Variants in PTPRE observed in about 807,000 individuals in gnomAD.
PTPRE encodes the protein protein tyrosine phosphatase receptor type E.
PTPRE carries 51 observed loss-of-function variants against 102.0 expected under a neutral mutation model. The ratio of observed to expected loss-of-function variants is 0.50; its 90% CI spans 0.40 to 0.63. The LOEUF is 0.63. Among genes scored for constraint, PTPRE ranks in the 30% least tolerant of loss-of-function variants. PTPRE has a pLI of 0.00. For missense variants in PTPRE, 752 were observed against 915.1 expected (o/e 0.82, Z 2.30); for synonymous variants, 345 against 348.2 (o/e 0.99, Z 0.10).
chr10:127,921,630 C>T (rs962506173), intron 1 of PTPRE, among the ~76,000 whole-genome samples: 1 of 152,222 alleles, frequency 6.6e-6, no homozygotes, highest in Non-Finnish European at 1.5e-5. Context: ...GAGAGGCTCA[C>T]TGAGCTGTTG....
intron 1 of PTPRE, among the ~76,000 whole-genome samples, 159 bp from the exon 2 acceptor site, chr10:127,982,115 A>G (rs1309660066): frequency 6.6e-6 from 1 of 152,196 alleles, no homozygotes; most frequent in Admixed American, 6.5e-5. Flanking sequence ...ATTGCAGCCA[A>G]AAGAAGTATC....
intron 1 of PTPRE, among the ~76,000 whole-genome samples, chr10:127,969,316 C>T (rs753995685): frequency 6.6e-5 from 10 of 152,110 alleles, no homozygotes; most frequent in Admixed American, 2.6e-4. Flanking sequence ...GGGCTCGGGA[C>T]GTGGAGAGGG....
chr10:127,954,131 C>T (rs1849232700), intron 1 of PTPRE, among the ~76,000 whole-genome samples: 6 of 152,162 alleles, frequency 3.9e-5, no homozygotes, highest in Admixed American at 1.3e-4. Context: ...GAATATTTGT[C>T]AGCCTCTTTC....
intron 2 of PTPRE, among the ~76,000 whole-genome samples, chr10:128,020,689 G>A (rs1845800822): frequency 6.6e-6 from 1 of 152,174 alleles, no homozygotes; most frequent in African/African-American, 2.4e-5. Flanking sequence ...TGCCCTCCTG[G>A]TGTCCCAGTG....
chr10:128,081,147 G>A (rs1227148043), intron 20 of PTPRE, among the ~76,000 whole-genome samples: 1 of 102,820 alleles, frequency 9.7e-6, no homozygotes, highest in Non-Finnish European at 2.0e-5. Flanking sequence ...GGGAGATTTT[G>A]GCAAAAAAAA....
chr10:128,082,547 A>C (rs1004854404), intron 20 of PTPRE, among the ~76,000 whole-genome samples: 4 of 151,900 alleles, frequency 2.6e-5, no homozygotes, highest in African/African-American at 9.7e-5. Context: ...AAATTCAAAA[A>C]TAGTTGTTTT....
At chr10:128,061,048 C>T (rs1321136311) in intron 8 of PTPRE, 33 bp downstream of exon 8, 1 of 1,591,654 alleles carries the variant, frequency 6.3e-7, no homozygotes, top group Non-Finnish European at 8.6e-7. Flanking sequence ...TTCCCCTGGC[C>T]CAGCTGGGGC....
chr10:127,984,345 C>T lies in PTPRE; in HGVS notation c.-8+2049C>T, dbSNP rs143189897. 5.3e-3 allele frequency among the ~76,000 whole-genome samples: 811 copies of T among 152,108 alleles called. 35 individuals carry two copies. The highest frequency in any genetic ancestry group is 7.9e-4 in the Non-Finnish European group (54 of 67,996). ...ATCTGCCCACCTCAGCCTCCCACAGCGCTGGGATTACAAGCATGAGCCACC... is the reference window on the plus strand; with the variant it reads ...ATCTGCCCACCTCAGCCTCCCACAGTGCTGGGATTACAAGCATGAGCCACC... On this transcript the variant is annotated intron_variant, in intron 2 of 20. Transcript: ENST00000254667.
intron 1 of PTPRE, chr10:127,929,726 T>A (rs1050187066): frequency 3.9e-5 from 6 of 152,166 alleles, no homozygotes; most frequent in African/African-American, 1.4e-4. Context: ...AGTAATTGGC[T>A]TCTTTTGCAA....
At position 128,073,356 on chromosome 10, in the gene PTPRE, A is replaced by G. The variant is rs757208237; in HGVS notation, c.1484A>G (p.Tyr495Cys). 3 of 1,614,058 alleles carry G rather than the reference A, an allele frequency of 1.9e-6. No individual in the cohort carries two copies. The highest frequency in any genetic ancestry group is 2.5e-6 in the Non-Finnish European group (3 of 1,180,010). ...SFIDGYRQKD[Y>C]FIATQGPLAH... is the part of the protein sequence containing the mutation. ...TTGAAGGGCTACCGACAGAAGGACT[A>G]TTTCATCGCCACCCAGGGGCCACTG... The change falls in exon 17 of 21, where the codon TAT becomes TGT. Residue 495 changes from tyrosine (Y) to cysteine (C), a missense_variant. Around this residue, in one of 2 missense-constraint regions of PTPRE, gnomAD observed 636 missense variants for 824.4 expected, o/e 0.77. Transcript: ENST00000254667.
rs12411857 is a variant in PTPRE at position 127,964,441 on chromosome 10, G to A, written c.-30-17833G>A. 0.016 allele frequency among the ~76,000 whole-genome samples: 2,407 copies of A among 152,258 alleles called. 161 individuals are homozygous for A. In the East Asian group the frequency reaches 0.18, roughly 12 times the overall value. On this transcript the variant is annotated intron_variant, in intron 1 of 20. Transcript: ENST00000254667. ...CCACCTTGGCCTCCCAAAGTGCTGG[G>A]ATTACAGGCATGAGCCACCATACCC...
At chr10:127,973,382 C>T (rs1345840472) in intron 1 of PTPRE, among the ~76,000 whole-genome samples, 4 of 152,154 alleles carry the variant, frequency 2.6e-5, no homozygotes, top group African/African-American at 9.7e-5. Context: ...ATAACAGATA[C>T]CTAGAATCTT....
chr10:128,020,556 G>T (rs1590036460), intron 2 of PTPRE, among the ~76,000 whole-genome samples: 1 of 152,224 alleles, frequency 6.6e-6, no homozygotes, highest in East Asian at 1.9e-4. Context: ...TTCTCTTCTT[G>T]GTTTATATTT....
At chr10:128,072,364 A>T (rs1378444838) in intron 16 of PTPRE, 150 bp downstream of exon 16, 5 of 729,474 alleles carry the variant, frequency 6.9e-6, no homozygotes, top group Non-Finnish European at 1.1e-5. Context: ...TGCTTAAAAA[A>T]AAAAGTGGCA....
chr10:128,028,861 G>A lies in PTPRE; in HGVS notation c.-7-12014G>A, dbSNP rs1193072293. On this transcript the variant is annotated intron_variant, in intron 2 of 20. Coordinates refer to ENST00000254667, the MANE Select transcript of PTPRE (RefSeq NM_006504.6). This position sits in a 1 kb window ranked among gnomAD's most constrained non-coding sequence, Gnocchi z 4.5. Reference sequence around the variant, plus strand: ...CGGCCCAGCCCTGGCCACCCCAGACGTCTGGCCCTCGTCCCGAATGCTGTC... The same window carrying A: ...CGGCCCAGCCCTGGCCACCCCAGACATCTGGCCCTCGTCCCGAATGCTGTC... Among the ~76,000 whole-genome samples the A allele has an allele frequency of 2.0e-5, 3 of 152,096 alleles. No individual in the cohort carries two copies. Among genetic ancestry groups the A allele is most frequent in the African/African-American group, 4.8e-5 (2 of 41,426 alleles).
At chr10:128,029,032 A>G (rs760950426) in intron 2 of PTPRE, among the ~76,000 whole-genome samples, 1 of 152,014 alleles carries the variant, frequency 6.6e-6, no homozygotes, top group Non-Finnish European at 1.5e-5. Context: ...TATTTACCTT[A>G]TGGGGGCATC....
At chr10:128,052,298 C>T (rs896609996) in intron 6 of PTPRE, among the ~76,000 whole-genome samples, 3 of 152,142 alleles carry the variant, frequency 2.0e-5, no homozygotes, top group East Asian at 1.9e-4. Context: ...TCAAAGTGGC[C>T]GATCCAGTTG....
chr10:127,922,436 A>G (rs1393406981), intron 1 of PTPRE, among the ~76,000 whole-genome samples: 2 of 152,214 alleles, frequency 1.3e-5, no homozygotes, highest in Admixed American at 6.5e-5. Context: ...CAAGGGGGCC[A>G]GGGGGCCATC....
At chr10:127,928,937 C>T (rs762136197) in intron 1 of PTPRE, among the ~76,000 whole-genome samples, 2 of 152,172 alleles carry the variant, frequency 1.3e-5, no homozygotes, top group Admixed American at 6.5e-5. Context: ...CTACGGAAAG[C>T]GAATGTCTGT....
Sources: gnomAD v4.1 joint callset for allele counts (sites outside exome capture counted in the v4.1 genomes callset) on GRCh38, gnomAD v4.1.1 for gene constraint, gnomAD v4.1.1 regional missense constraint, Gnocchi (gnomAD v3.1) non-coding constraint, MANE v1.5 for transcripts, NCBI Gene and HGNC (gene_info 2026-07-23, HGNC 2026-07-21) for gene names.